The following ALK variants were observed in gnomAD, a reference collection of about 807,000 sequenced individuals.
ALK encodes ALK receptor tyrosine kinase, also known as ALK tyrosine kinase receptor.
In ALK, 74 loss-of-function variants were observed where a neutral mutation model predicts 163.1. The ratio of observed to expected loss-of-function variants is 0.45; its 90% CI spans 0.38 to 0.55. The LOEUF is 0.55. Ranked by LOEUF, ALK falls within the 20% of genes least tolerant of loss-of-function variation. The probability of loss-of-function intolerance (pLI) is 0.00; values close to 1 mark genes in which losing one functional copy is unlikely to be tolerated. For missense variants in ALK, 2,063 were observed against 2,105.3 expected (o/e 0.98, Z 0.39); for synonymous variants, 960 against 843.2 (o/e 1.14, Z -2.40).
intron 1 of ALK, among the ~76,000 whole-genome samples, chr2:29,771,446 T>G (rs1293571504): frequency 2.6e-5 from 4 of 152,100 alleles, no homozygotes; most frequent in Non-Finnish European, 5.9e-5. Flanking sequence ...GCTTTGAACT[T>G]CTCAATAGTA....
intron 3 of ALK, among the ~76,000 whole-genome samples, chr2:29,633,088 G>T (rs11694944): frequency 0.63 from 95,599 of 151,940 alleles, 30,955 homozygotes; most frequent in East Asian, 0.73. Flanking sequence ...ATCTCTCTTA[G>T]TTACACAACC....
rs1252535185 is a variant in ALK at position 29,223,429 on chromosome 2, T to C, written c.3272A>G (p.Asp1091Gly). 2 of 1,614,152 alleles carry C rather than the reference T, an allele frequency of 1.2e-6. No individual in the cohort carries two copies. The highest frequency in any genetic ancestry group is 1.7e-6 in the Non-Finnish European group (2 of 1,180,036). The change falls in exon 20 of 29, where the codon GAC (aspartate) becomes GGC (glycine). Residue 1091 changes from aspartate (D) to glycine (G), a missense_variant. Coordinates refer to ENST00000389048, the MANE Select transcript of ALK (RefSeq NM_004304.5). The part of the protein sequence containing the change: ...SKLRTSTIMT[D>G]YNPNYCFAGK... ...AGCAAAGCAGTAGTTGGGGTTGTAGTCGGTCATGATGGTCGAGGTGCGGAG... is the reference window on the plus strand; with the variant it reads ...AGCAAAGCAGTAGTTGGGGTTGTAGCCGGTCATGATGGTCGAGGTGCGGAG...
At chr2:29,254,358 G>C (rs1664902570) in intron 11 of ALK, among the ~76,000 whole-genome samples, 1 of 152,062 alleles carries the variant, frequency 6.6e-6, no homozygotes, top group Non-Finnish European at 1.5e-5. Flanking sequence ...TCTCAATAGA[G>C]TGCTAGGGAA....
intron 1 of ALK, among the ~76,000 whole-genome samples, chr2:29,802,777 C>CTTT (rs376874161): frequency 4.7e-4 from 66 of 140,296 alleles, no homozygotes; most frequent in African/African-American, 1.7e-3. Context: ...GACTGGAACT[C>CTTT]TTTTTTTTTT....
chr2:29,568,336 C>T (rs1674253236), intron 3 of ALK, among the ~76,000 whole-genome samples: 1 of 152,216 alleles, frequency 6.6e-6, no homozygotes, highest in African/African-American at 2.4e-5. Flanking sequence ...AGTGCCTTTC[C>T]TCTTTTGACA....
At chr2:29,781,206 G>A (rs1224182880) in intron 1 of ALK, among the ~76,000 whole-genome samples, 1 of 152,212 alleles carries the variant, frequency 6.6e-6, no homozygotes, top group Non-Finnish European at 1.5e-5. Flanking sequence ...CTCAACATCT[G>A]TCAGGGCTGT....
chr2:29,781,821 C>T (rs1038377193), intron 1 of ALK, among the ~76,000 whole-genome samples: 1 of 152,196 alleles, frequency 6.6e-6, no homozygotes, highest in Non-Finnish European at 1.5e-5. Flanking sequence ...CTCTGCTAAC[C>T]TGTCCTACGA....
chr2:29,285,132 C>G (rs530504362), intron 9 of ALK, among the ~76,000 whole-genome samples: 1 of 152,232 alleles, frequency 6.6e-6, no homozygotes, highest in Non-Finnish European at 1.5e-5. Flanking sequence ...TCTTTCTTCA[C>G]GCTTTCTGAG....
chr2:29,320,697 G>T, intron 7 of ALK, 54 bp downstream of exon 7: 2 of 1,610,530 alleles, frequency 1.2e-6, no homozygotes, highest in Non-Finnish European at 1.7e-6. Flanking sequence ...TCTCCCATCT[G>T]TCTATGTGGG....
chr2:29,705,982 T>C, intron 2 of ALK, among the ~76,000 whole-genome samples: 1 of 152,198 alleles, frequency 6.6e-6, no homozygotes, highest in Non-Finnish European at 1.5e-5. Context: ...AAACGTGTGC[T>C]CCTCTCTCAA....
intron 1 of ALK, among the ~76,000 whole-genome samples, chr2:29,740,058 C>T (rs1474759422): frequency 4.6e-5 from 7 of 152,118 alleles, no homozygotes; most frequent in Non-Finnish European, 2.9e-5. Context: ...TGAATGCCTA[C>T]ACCATACATA....
At chr2:29,230,807 G>T (rs547680120) in intron 15 of ALK, among the ~76,000 whole-genome samples, 3 of 152,278 alleles carry the variant, frequency 2.0e-5, no homozygotes, top group South Asian at 2.1e-4. Flanking sequence ...CAGAGAGAAG[G>T]CCCCTTAGGC....
At chr2:29,814,685 T>C (rs1008191150) in intron 1 of ALK, among the ~76,000 whole-genome samples, 3 of 150,970 alleles carry the variant, frequency 2.0e-5, no homozygotes, top group Non-Finnish European at 4.4e-5. Context: ...AAAGACTGTC[T>C]CTAAAAAAGA....
intron 8 of ALK, among the ~76,000 whole-genome samples, chr2:29,302,236 G>A (rs949052560): frequency 1.3e-5 from 2 of 152,160 alleles, no homozygotes; most frequent in African/African-American, 4.8e-5. Flanking sequence ...ATTAACTTCC[G>A]GCCGGGTGCG....
At chr2:29,716,476 C>T (rs1679258480) in intron 2 of ALK, among the ~76,000 whole-genome samples, 1 of 152,156 alleles carries the variant, frequency 6.6e-6, no homozygotes, top group Non-Finnish European at 1.5e-5. Context: ...CTTCTCATTG[C>T]AGAGACCCAG....
intron 4 of ALK, among the ~76,000 whole-genome samples, chr2:29,426,761 C>T (rs757892424): frequency 4.6e-5 from 7 of 151,958 alleles, no homozygotes; most frequent in Non-Finnish European, 7.4e-5. Flanking sequence ...AGTTATAGGC[C>T]GGGCACGGTG....
chr2:29,587,514 G>C (rs1037557866), intron 3 of ALK, among the ~76,000 whole-genome samples: 2 of 152,160 alleles, frequency 1.3e-5, no homozygotes, highest in African/African-American at 2.4e-5. Flanking sequence ...AGGATCCAAA[G>C]GTCCAGGCCC....
At chr2:29,728,081 G>A (rs1350276508) in intron 1 of ALK, among the ~76,000 whole-genome samples, 1 of 152,066 alleles carries the variant, frequency 6.6e-6, no homozygotes, top group African/African-American at 2.4e-5. Context: ...ACATGTTTTT[G>A]TTCTTTAAAC....
chr2:29,661,472 G>A (rs1011786508), intron 3 of ALK, among the ~76,000 whole-genome samples: 1 of 152,176 alleles, frequency 6.6e-6, no homozygotes, highest in Non-Finnish European at 1.5e-5. Flanking sequence ...GATAAGAATA[G>A]TTTATGTCAA....
Sources: allele counts gnomAD v4.1 joint callset (sites outside exome capture counted in the v4.1 genomes callset), GRCh38; gene constraint gnomAD v4.1.1; transcripts MANE v1.5; gene names NCBI Gene and HGNC (gene_info 2026-07-23, HGNC 2026-07-21).